The following C1QTNF3 variants were observed in gnomAD, a reference collection of about 807,000 sequenced individuals.
C1QTNF3 encodes the protein C1q and TNF related 3, also known as complement C1q tumor necrosis factor-related protein 3.
A neutral mutation model predicts 32.6 loss-of-function variants in C1QTNF3; 26 were observed. The observed-to-expected ratio is 0.80, with a 90% CI of 0.58 to 1.11. The LOEUF is 1.11. C1QTNF3 is among the 50% of genes least tolerant of loss of function. The probability of loss-of-function intolerance (pLI) is 0.00; values close to 1 mark genes in which losing one functional copy is unlikely to be tolerated. For missense variants in C1QTNF3, 362 were observed against 398.2 expected, an observed-to-expected ratio of 0.91 and a Z score of 0.77; for synonymous variants, 155 against 146.0, an observed-to-expected ratio of 1.06 and a Z score of -0.44.
At chr5:34,065,677 A>G in the C1QTNF3 span, among the ~76,000 whole-genome samples, 14 of 151,750 alleles carry the variant, frequency 9.2e-5, no homozygotes, top group Admixed American at 7.2e-4. Context: ...CAAAAAAAAA[A>G]GTCAAAAAAC....
At chr5:34,158,387 C>T in the C1QTNF3 span, 1 of 152,020 alleles carries the variant, frequency 6.6e-6, no homozygotes, top group Non-Finnish European at 1.5e-5. Flanking sequence ...GATTACAGGT[C>T]TGAGCCATCG....
chr5:34,226,329 T>G, the C1QTNF3 span, among the ~76,000 whole-genome samples: 1 of 151,910 alleles, frequency 6.6e-6, no homozygotes, highest in African/African-American at 2.4e-5. Flanking sequence ...AAAAAACAGC[T>G]CAAATTTATG....
the C1QTNF3 span, among the ~76,000 whole-genome samples, chr5:34,208,974 T>C: frequency 6.6e-6 from 1 of 152,216 alleles, no homozygotes; most frequent in South Asian, 2.1e-4. Context: ...GAGACAATTT[T>C]AGTTTTTACT....
At chr5:34,119,614 G>A in the C1QTNF3 span, among the ~76,000 whole-genome samples, 1 of 152,046 alleles carries the variant, frequency 6.6e-6, no homozygotes, top group African/African-American at 2.4e-5. Flanking sequence ...CTAAAATCAA[G>A]GTGTCCACAG....
the C1QTNF3 span, among the ~76,000 whole-genome samples, chr5:34,140,012 C>T: frequency 2.6e-5 from 4 of 152,062 alleles, no homozygotes; most frequent in South Asian, 2.1e-4. Flanking sequence ...TACAGACACC[C>T]GCTGATTTTA....
chr5:34,029,855 A>T (rs1754566701), intron 3 of C1QTNF3, among the ~76,000 whole-genome samples: 1 of 152,228 alleles, frequency 6.6e-6, no homozygotes, highest in Non-Finnish European at 1.5e-5. Flanking sequence ...TCATGAAATA[A>T]AGTAATAATA....
intron 4 of C1QTNF3, among the ~76,000 whole-genome samples, chr5:34,027,735 CA>C (rs34375086): frequency 0.4 from 32,563 of 81,030 alleles, 5,070 homozygotes; most frequent in South Asian, 0.61. Flanking sequence ...CCACCACCAC[CA>C]AAAAAAAAAA....
the C1QTNF3 span, among the ~76,000 whole-genome samples, chr5:34,103,412 CAT>C: frequency 6.6e-6 from 1 of 151,512 alleles, no homozygotes; most frequent in African/African-American, 2.4e-5. Context: ...AGTGTGTCCT[CAT>C]GTGTGTTCTT....
At chr5:34,160,766 C>T in the C1QTNF3 span, among the ~76,000 whole-genome samples, 2 of 151,934 alleles carry the variant, frequency 1.3e-5, no homozygotes, top group African/African-American at 4.8e-5. Flanking sequence ...TCAAATAATC[C>T]CTGACCCATG....
At chr5:34,059,330 T>C in the C1QTNF3 span, among the ~76,000 whole-genome samples, 1 of 152,216 alleles carries the variant, frequency 6.6e-6, no homozygotes, top group East Asian at 1.9e-4. Context: ...GATTGGATTA[T>C]GGCCCACCCT....
chr5:34,233,671 A>G, the C1QTNF3 span, among the ~76,000 whole-genome samples: 1 of 151,002 alleles, frequency 6.6e-6, no homozygotes, highest in Admixed American at 6.6e-5. Flanking sequence ...TAAAGTTAAC[A>G]TATTCACAGG....
chr5:34,073,544 C>A, the C1QTNF3 span, among the ~76,000 whole-genome samples: 2 of 152,094 alleles, frequency 1.3e-5, no homozygotes, highest in East Asian at 3.9e-4. Context: ...ATAAAAAGAA[C>A]AAATCACCTT....
At chr5:34,032,458 C>T (rs965240711) in intron 3 of C1QTNF3, among the ~76,000 whole-genome samples, 1 of 152,172 alleles carries the variant, frequency 6.6e-6, no homozygotes, top group African/African-American at 2.4e-5. Context: ...CTGAAATTCT[C>T]CATTGATAAA....
At chr5:34,079,283 A>G in the C1QTNF3 span, among the ~76,000 whole-genome samples, 1 of 151,656 alleles carries the variant, frequency 6.6e-6, no homozygotes. Context: ...CTCAGAAAAC[A>G]GTCCTCACCT....
At chr5:34,217,268 C>T in the C1QTNF3 span, among the ~76,000 whole-genome samples, 1 of 152,020 alleles carries the variant, frequency 6.6e-6, no homozygotes, top group East Asian at 1.9e-4. Flanking sequence ...AAAGGCATTG[C>T]GTTTTTTGCC....
chr5:34,176,428 A>AAGGC, the C1QTNF3 span, among the ~76,000 whole-genome samples: 1 of 150,024 alleles, frequency 6.7e-6, no homozygotes, highest in Non-Finnish European at 1.5e-5. Flanking sequence ...ACAAAAAAAA[A>AAGGC]AGCCAAGGAA....
the C1QTNF3 span, chr5:34,158,871 A>G: frequency 6.6e-6 from 1 of 152,170 alleles, no homozygotes; most frequent in African/African-American, 2.4e-5. Flanking sequence ...CCATGGATAT[A>G]TTACGAATGT....
At chr5:34,219,539 G>A in the C1QTNF3 span, among the ~76,000 whole-genome samples, 1 of 151,168 alleles carries the variant, frequency 6.6e-6, no homozygotes, top group African/African-American at 2.4e-5. Flanking sequence ...TCACATGAAC[G>A]AGTACTTTTC....
chr5:34,166,504 T>A, the C1QTNF3 span: 2 of 152,276 alleles, frequency 1.3e-5, no homozygotes, highest in African/African-American at 4.8e-5. Context: ...TTTCTGTTCA[T>A]CTCTATACTT....
Sources: allele counts gnomAD v4.1 joint callset (sites outside exome capture counted in the v4.1 genomes callset), GRCh38; gene constraint gnomAD v4.1.1; transcripts MANE v1.5; gene names NCBI Gene and HGNC (gene_info 2026-07-23, HGNC 2026-07-21).